DNAH9: variants seen among roughly 807,000 people sequenced by gnomAD.
DNAH9 encodes the protein dynein axonemal heavy chain 9, also known as DNAH9 variant protein.
In DNAH9, 345 loss-of-function variants were observed where a neutral mutation model predicts 471.6. The ratio of observed to expected loss-of-function variants is 0.73; its 90% CI spans 0.67 to 0.80. The LOEUF (loss-of-function observed/expected upper bound fraction) is 0.80. Ranked by LOEUF, DNAH9 falls within the 30% of genes least tolerant of loss-of-function variation. DNAH9 has a pLI of 0.00. For missense variants in DNAH9, 5,407 were observed against 5,609.2 expected (o/e 0.96, Z 1.15); for synonymous variants, 2,093 against 2,123.6 (o/e 0.99, Z 0.40).
chr17:11,781,852 A>AAAAC (rs1968683370), intron 39 of DNAH9, among the ~76,000 whole-genome samples: 5 of 149,842 alleles, frequency 3.3e-5, no homozygotes, highest in Non-Finnish European at 4.4e-5. Flanking sequence ...AACAAACAAA[A>AAAAC]AAAAAACTAC....
intron 33 of DNAH9, 32 bp from the exon 34 acceptor site, chr17:11,756,536 C>G: frequency 2.3e-6 from 3 of 1,317,402 alleles, no homozygotes; most frequent in Non-Finnish European, 3.3e-6. Flanking sequence ...TCCCTCCTTC[C>G]TCACTGGCAT....
At position 11,629,460 on chromosome 17, in the gene DNAH9, TGGA is replaced by T. The variant is rs773979808; in HGVS notation, c.1396_1398del (p.Glu466del). On this transcript the variant is annotated inframe_deletion, in exon 7 of 69. Transcript: ENST00000262442. ...CTGGATTTCCACAAACTGGGAAAGG[TGGA>T]GTTCAGCGGCGTCAGAGGGAATGCT... 2 of 1,614,000 alleles carry T rather than the reference TGGA, an allele frequency of 1.2e-6. No individual in the cohort carries two copies. Among genetic ancestry groups the T allele is most frequent in the Non-Finnish European group, 1.7e-6 (2 of 1,179,968 alleles).
chr17:11,819,934 AT>A (rs879563473), intron 45 of DNAH9, among the ~76,000 whole-genome samples: 2 of 152,084 alleles, frequency 1.3e-5, no homozygotes, highest in Non-Finnish European at 2.9e-5. Context: ...ATTTTATTTT[AT>A]TTTTTCTTAA....
At chr17:11,863,919 T>C (rs1028950996) in intron 50 of DNAH9, among the ~76,000 whole-genome samples, 1 of 152,112 alleles carries the variant, frequency 6.6e-6, no homozygotes, top group African/African-American at 2.4e-5. Context: ...TCCTTTTTTC[T>C]TTATTAGTCT....
chr17:11,852,432 G>C (rs148167244), intron 49 of DNAH9, among the ~76,000 whole-genome samples: 133 of 152,116 alleles, frequency 8.7e-4, no homozygotes, highest in African/African-American at 2.9e-3. Context: ...TGACCAGGGG[G>C]TCCTTCACAT....
At chr17:11,753,588 A>G (rs1399185320) in intron 33 of DNAH9, among the ~76,000 whole-genome samples, 1 of 151,992 alleles carries the variant, frequency 6.6e-6, no homozygotes, top group Non-Finnish European at 1.5e-5. Context: ...AATTGCTTGA[A>G]CCCGGAGGCA....
chr17:11,826,003 G>A (rs1219856213), intron 48 of DNAH9, among the ~76,000 whole-genome samples: 1 of 152,214 alleles, frequency 6.6e-6, no homozygotes, highest in African/African-American at 2.4e-5. Flanking sequence ...AGGACATAAT[G>A]AAGCCAAGGA....
intron 45 of DNAH9, among the ~76,000 whole-genome samples, chr17:11,815,690 A>G (rs114965921): frequency 0.013 from 2,030 of 152,254 alleles, 53 homozygotes; most frequent in African/African-American, 0.046. Flanking sequence ...TCGGGAGGCT[A>G]AGGTGGGAAG....
chr17:11,779,646 AG>A (rs1283620877), intron 38 of DNAH9, among the ~76,000 whole-genome samples: 1 of 152,196 alleles, frequency 6.6e-6, no homozygotes, highest in Non-Finnish European at 1.5e-5. Flanking sequence ...TGGGAGGAGG[AG>A]AAACAAGTCT....
intron 67 of DNAH9, among the ~76,000 whole-genome samples, chr17:11,947,958 G>T (rs1279241529): frequency 6.6e-6 from 1 of 151,560 alleles, no homozygotes; most frequent in Non-Finnish European, 1.5e-5. Flanking sequence ...GTAGAGACGG[G>T]GTTTCACCTT....
At chr17:11,804,426 C>T (rs1969584036) in intron 43 of DNAH9, among the ~76,000 whole-genome samples, 1 of 152,058 alleles carries the variant, frequency 6.6e-6, no homozygotes, top group East Asian at 1.9e-4. Flanking sequence ...AAGGGTTTCA[C>T]AAATTGAGAG....
intron 47 of DNAH9, 95 bp from the exon 48 acceptor site, chr17:11,822,706 C>A (rs1275559960): frequency 1.9e-6 from 3 of 1,588,290 alleles, no homozygotes; most frequent in Non-Finnish European, 2.6e-6. Context: ...GCATAAGTTT[C>A]CACATGGTGG....
At chr17:11,851,621 G>A (rs900117757) in intron 49 of DNAH9, among the ~76,000 whole-genome samples, 2 of 152,100 alleles carry the variant, frequency 1.3e-5, no homozygotes, top group African/African-American at 4.8e-5. Context: ...TGAAGAAACT[G>A]GGGTGTAAAA....
chr17:11,664,636 C>T (rs1270313762), intron 14 of DNAH9, among the ~76,000 whole-genome samples, 197 bp from the exon 15 acceptor site: 1 of 152,182 alleles, frequency 6.6e-6, no homozygotes, highest in Non-Finnish European at 1.5e-5. Flanking sequence ...CCCTATATTA[C>T]CGTCATGGAC....
chr17:11,727,987 C>G, intron 28 of DNAH9, 65 bp downstream of exon 28: 7 of 1,009,502 alleles, frequency 6.9e-6, no homozygotes, highest in Non-Finnish European at 1.6e-6. Flanking sequence ...AGTCTATGTC[C>G]TCTTGTTTTC....
chr17:11,748,663 G>A (rs1967006508), intron 32 of DNAH9, among the ~76,000 whole-genome samples: 1 of 152,106 alleles, frequency 6.6e-6, no homozygotes, highest in African/African-American at 2.4e-5. Flanking sequence ...CCCAACCCTG[G>A]GTGCTGATCT....
chr17:11,642,046 C>T (rs1310023901), intron 10 of DNAH9, among the ~76,000 whole-genome samples: 1 of 152,064 alleles, frequency 6.6e-6, no homozygotes, highest in Non-Finnish European at 1.5e-5. Context: ...CTGGCCAAGG[C>T]TGCTCCCAAA....
intron 67 of DNAH9, among the ~76,000 whole-genome samples, chr17:11,958,332 A>C (rs900607544): frequency 6.6e-6 from 1 of 152,226 alleles, no homozygotes; most frequent in African/African-American, 2.4e-5. Context: ...ATGATACTAT[A>C]ATGGTGGATA....
chr17:11,940,306 C>T (rs1974860454), intron 66 of DNAH9, among the ~76,000 whole-genome samples: 1 of 152,226 alleles, frequency 6.6e-6, no homozygotes. Flanking sequence ...CAGGCCCCCA[C>T]ACCCTTTACA....
Sources: gnomAD v4.1 joint callset for allele counts (sites outside exome capture counted in the v4.1 genomes callset) on GRCh38, gnomAD v4.1.1 for gene constraint, MANE v1.5 for transcripts, NCBI Gene and HGNC (gene_info 2026-07-23, HGNC 2026-07-21) for gene names.